The following MACROD2 variants were observed in gnomAD, a reference collection of about 807,000 sequenced individuals.
The protein encoded by MACROD2 is ADP-ribose glycohydrolase MACROD2.
Under a neutral mutation model 70.4 loss-of-function variants are expected in MACROD2, and 36 were observed. The ratio of observed to expected loss-of-function variants is 0.51; its 90% CI spans 0.39 to 0.68. The LOEUF is 0.68. Among genes scored for constraint, MACROD2 ranks in the 30% least tolerant of loss-of-function variants. The probability of loss-of-function intolerance (pLI) is 0.00; values close to 1 mark genes in which losing one functional copy is unlikely to be tolerated. For missense variants in MACROD2, 496 were observed against 538.4 expected (o/e 0.92, Z 0.78); for synonymous variants, 172 against 178.8 (o/e 0.96, Z 0.30).
At chr20:15,148,282 A>G (rs2076245068) in intron 5 of MACROD2, among the ~76,000 whole-genome samples, 1 of 151,876 alleles carries the variant, frequency 6.6e-6, no homozygotes, top group Non-Finnish European at 1.5e-5. Context: ...GTCATGTAGA[A>G]TTATTGGTGA....
At chr20:15,463,587 T>C (rs1409259774) in intron 7 of MACROD2, among the ~76,000 whole-genome samples, 2 of 151,922 alleles carry the variant, frequency 1.3e-5, no homozygotes, top group African/African-American at 4.8e-5. Context: ...CCGTCTCTAC[T>C]AAAAATGCAA....
At chr20:14,523,000 G>T (rs2085187467) in intron 4 of MACROD2, among the ~76,000 whole-genome samples, 1 of 152,122 alleles carries the variant, frequency 6.6e-6, no homozygotes. Flanking sequence ...TTTTGAGAAT[G>T]AATTTCTCAA....
At chr20:15,619,168 C>T (rs1214915719) in intron 8 of MACROD2, among the ~76,000 whole-genome samples, 2 of 152,212 alleles carry the variant, frequency 1.3e-5, no homozygotes, top group Non-Finnish European at 2.9e-5. Context: ...CGCATGACTC[C>T]TAAACCGTAA....
chr20:14,601,485 C>A (rs1600440459), intron 4 of MACROD2, among the ~76,000 whole-genome samples: 1 of 152,056 alleles, frequency 6.6e-6, no homozygotes, highest in East Asian at 1.9e-4. Context: ...TATAGATAAG[C>A]CACAATACTT....
intron 5 of MACROD2, among the ~76,000 whole-genome samples, chr20:15,116,830 T>C (rs1050758009): frequency 6.6e-6 from 1 of 152,152 alleles, no homozygotes; most frequent in Non-Finnish European, 1.5e-5. Flanking sequence ...GCTAAGTTTT[T>C]GGGAAGTCAA....
chr20:15,596,621 C>G (rs1473723276), intron 8 of MACROD2, among the ~76,000 whole-genome samples: 3 of 152,228 alleles, frequency 2.0e-5, no homozygotes, highest in African/African-American at 7.2e-5. Flanking sequence ...GGAAATGACT[C>G]TCTTAGCCCT....
At chr20:15,260,194 A>G (rs992266351) in intron 6 of MACROD2, among the ~76,000 whole-genome samples, 2 of 151,760 alleles carry the variant, frequency 1.3e-5, no homozygotes. Context: ...ATTGTTAATC[A>G]TAGTTGCCCT....
intron 8 of MACROD2, among the ~76,000 whole-genome samples, chr20:15,549,869 A>G (rs1215764544): frequency 6.6e-6 from 1 of 151,450 alleles, no homozygotes; most frequent in East Asian, 1.9e-4. Context: ...TTTTTTTTTC[A>G]GCGCTATCTG....
At chr20:14,994,382 A>G (rs545514877) in intron 5 of MACROD2, among the ~76,000 whole-genome samples, 129 of 151,702 alleles carry the variant, frequency 8.5e-4, no homozygotes, top group African/African-American at 3.1e-3. Context: ...TTAGGAAGGA[A>G]AAACGTTCTT....
At chr20:15,128,857 A>G (rs1212189315) in intron 5 of MACROD2, among the ~76,000 whole-genome samples, 1 of 145,876 alleles carries the variant, frequency 6.9e-6, no homozygotes, top group African/African-American at 2.5e-5. Context: ...TTTTTTTTTC[A>G]TCTACTTTTT....
chr20:14,559,981 C>T (rs1979314971), intron 4 of MACROD2, among the ~76,000 whole-genome samples: 1 of 151,674 alleles, frequency 6.6e-6, no homozygotes, highest in South Asian at 2.1e-4. Flanking sequence ...TCACATTTCT[C>T]TTTGTTTTGA....
At chr20:16,041,101 T>C in intron 15 of MACROD2, 100 bp from the exon 16 acceptor site, 1 of 975,174 alleles carries the variant, frequency 1.0e-6, no homozygotes, top group Non-Finnish European at 1.6e-6. Context: ...CCAGGAGTAT[T>C]TTTGAATTTA....
intron 6 of MACROD2, among the ~76,000 whole-genome samples, chr20:15,255,258 G>A (rs1286586049): frequency 1.3e-5 from 2 of 151,998 alleles, no homozygotes; most frequent in Non-Finnish European, 2.9e-5. Flanking sequence ...TTGAAATAAA[G>A]AGGGATATCA....
At chr20:15,785,045 G>A (rs953433622) in intron 8 of MACROD2, among the ~76,000 whole-genome samples, 12 of 151,662 alleles carry the variant, frequency 7.9e-5, no homozygotes, top group African/African-American at 7.3e-5. Flanking sequence ...CCAGCTACTC[G>A]GGAGGCTGAG....
At chr20:15,128,822 TTGTATC>T (rs1285992139) in intron 5 of MACROD2, among the ~76,000 whole-genome samples, 1 of 142,390 alleles carries the variant, frequency 7.0e-6, no homozygotes, top group Non-Finnish European at 1.5e-5. Flanking sequence ...GATGGTTAGT[TTGTATC>T]TGGGGTTTGT....
intron 8 of MACROD2, among the ~76,000 whole-genome samples, chr20:15,744,558 T>C (rs1282791649): frequency 1.3e-5 from 2 of 152,208 alleles, no homozygotes; most frequent in East Asian, 3.9e-4. Flanking sequence ...TGATTCTGGC[T>C]GCCTCCATTG....
At chr20:15,963,690 A>G (rs1012368228) in intron 12 of MACROD2, among the ~76,000 whole-genome samples, 2 of 152,192 alleles carry the variant, frequency 1.3e-5, no homozygotes, top group South Asian at 2.1e-4. Flanking sequence ...AAATCCATAC[A>G]TGTAATATTC....
At chr20:14,745,814 G>A (rs2071792758) in intron 5 of MACROD2, among the ~76,000 whole-genome samples, 1 of 152,112 alleles carries the variant, frequency 6.6e-6, no homozygotes, top group African/African-American at 2.4e-5. Flanking sequence ...CTTCAGTCAG[G>A]TGGTTGAAGT....
chr20:14,834,016 G>A (rs551482771), intron 5 of MACROD2, among the ~76,000 whole-genome samples: 201 of 152,026 alleles, frequency 1.3e-3, no homozygotes, highest in African/African-American at 4.6e-3. Context: ...AGAAAATCTT[G>A]CTTATCCCTA....
Sources: gnomAD v4.1 joint callset for allele counts (sites outside exome capture counted in the v4.1 genomes callset) on GRCh38, gnomAD v4.1.1 for gene constraint, MANE v1.5 for transcripts, NCBI Gene and HGNC (gene_info 2026-07-23, HGNC 2026-07-21) for gene names.